The following HEATR6 variants were observed in gnomAD, a reference collection of about 807,000 sequenced individuals.
The protein encoded by HEATR6 is HEAT repeat-containing protein 6.
Under a neutral mutation model 132.8 loss-of-function variants are expected in HEATR6, and 106 were observed. The ratio of observed to expected loss-of-function variants is 0.80; its 90% CI spans 0.68 to 0.94. HEATR6 has a LOEUF of 0.94. Among genes scored for constraint, HEATR6 ranks in the 40% least tolerant of loss-of-function variants. The probability of loss-of-function intolerance (pLI) is 0.00; values close to 1 mark genes in which losing one functional copy is unlikely to be tolerated. For synonymous variants in HEATR6, 529 were observed against 537.8 expected (o/e 0.98, Z 0.23); for missense variants, 1,339 against 1,425.1 (o/e 0.94, Z 0.97).
chr17:60,050,440 T>C (rs1293840699), intron 15 of HEATR6, among the ~76,000 whole-genome samples: 1 of 152,246 alleles, frequency 6.6e-6, no homozygotes, highest in African/African-American at 2.4e-5. Context: ...CTAAGTATTT[T>C]CACATACTTG....
chr17:60,056,146 G>C lies in HEATR6; in HGVS notation c.2171C>G (p.Ala724Gly). The change falls in exon 13 of 20, where the codon GCA (alanine) becomes GGA (glycine). Residue 724 changes from alanine (A) to glycine (G), a missense_variant. Transcript: ENST00000184956. ...TCCATGAAGCTGAATGGATGGATCT[G>C]CTTCCCCCATGCACTTGCAAATCAC... The part of the protein sequence containing the change: ...GEVICKCMGE[A>G]DPSIQLHGAK... The C allele has an allele frequency of 1.2e-6, 2 of 1,614,054 alleles. No homozygotes were observed. Among genetic ancestry groups the C allele is most frequent in the Non-Finnish European group, 1.7e-6 (2 of 1,179,954 alleles).
At chr17:60,047,691 T>C (rs563108905) in intron 17 of HEATR6, among the ~76,000 whole-genome samples, 1 of 151,766 alleles carries the variant, frequency 6.6e-6, no homozygotes, top group East Asian at 1.9e-4. Flanking sequence ...TGTTCAGTAA[T>C]AGAAAAATGG....
intron 9 of HEATR6, among the ~76,000 whole-genome samples, chr17:60,062,683 C>T (rs140216103): frequency 7.9e-5 from 12 of 152,102 alleles, no homozygotes; most frequent in African/African-American, 1.7e-4. Context: ...TTGTCTTTTA[C>T]GTAACAGCAT....
intron 5 of HEATR6, among the ~76,000 whole-genome samples, chr17:60,071,712 C>T (rs1402586509): frequency 2.6e-5 from 4 of 152,108 alleles, no homozygotes; most frequent in African/African-American, 4.8e-5. Context: ...TAATTATGCT[C>T]ATTTACATAT....
Position 60,073,189 on chromosome 17 carries a change from G to T in HEATR6, c.559C>A (p.His187Asn), listed in dbSNP as rs760116282. The change falls in exon 4 of 20, where the codon CAT (histidine) becomes AAT (asparagine). Residue 187 changes from histidine to asparagine, a missense_variant. Transcript: ENST00000184956. ...CTGAGACATAAGTTTGCCATACAAT[G>T]TACTGCAGCTCTCCTGACTTCAGGA... Reference protein sequence around the residue: ...SDPEVRRAAVHCMANLCLSVP... With the variant: ...SDPEVRRAAVNCMANLCLSVP... The T allele has an allele frequency of 6.2e-7, 1 of 1,610,794 alleles. No individual in the cohort carries two copies. Among genetic ancestry groups the T allele is most frequent in the South Asian group, 1.1e-5 (1 of 90,994 alleles).
At chr17:60,048,768 A>G (rs1443580665) in intron 16 of HEATR6, among the ~76,000 whole-genome samples, 1 of 151,820 alleles carries the variant, frequency 6.6e-6, no homozygotes, top group Non-Finnish European at 1.5e-5. Context: ...ACTACACATC[A>G]CTCAGTGAGA....
In HEATR6 at chr17:60,069,853, T is replaced by A. The variant is rs1258725055; in HGVS notation, c.802-5A>T. On this transcript the variant is annotated splice_polypyrimidine_tract_variant and splice_region_variant and intron_variant, in intron 6 of 19. Coordinates refer to ENST00000184956, the MANE Select transcript of HEATR6 (RefSeq NM_022070.5). ...GAGTCCGTGAAACATGAATTTCTAA[T>A]AATGATGAATAAGGACACACACACA... 1.2e-5 allele frequency: 19 copies of A among 1,613,572 alleles called. No individual in the cohort carries two copies. Among genetic ancestry groups the A allele is most frequent in the Non-Finnish European group, 1.4e-5 (17 of 1,179,840 alleles).
intron 16 of HEATR6, among the ~76,000 whole-genome samples, chr17:60,049,020 G>T (rs1376694591): frequency 2.6e-5 from 2 of 78,126 alleles, no homozygotes; most frequent in Non-Finnish European, 2.8e-5. Flanking sequence ...ATATATATAT[G>T]GTAATGCCTT....
At chr17:60,076,647 G>T in intron 1 of HEATR6, 1 of 159,822 alleles carries the variant, frequency 6.3e-6, no homozygotes, top group Non-Finnish European at 1.4e-5. Context: ...AGGTCACAGT[G>T]AGCTATGATC....
At chr17:60,070,370 C>T (rs539963825) in intron 6 of HEATR6, among the ~76,000 whole-genome samples, 10 of 152,138 alleles carry the variant, frequency 6.6e-5, no homozygotes, top group African/African-American at 2.4e-4. Flanking sequence ...CTGTCTACTA[C>T]TTGGAGGAGA....
chr17:60,072,416 G>A (rs2083274149), intron 4 of HEATR6, 87 bp from the exon 5 acceptor site: 1 of 641,376 alleles, frequency 1.6e-6, no homozygotes, highest in African/African-American at 1.9e-5. Flanking sequence ...CAGTAATATA[G>A]ACTATTAGAG....
rs562843321 is a variant in HEATR6, at chr17:60,043,077, C to T, written c.*486G>A. On this transcript the variant is annotated 3_prime_UTR_variant, in exon 20 of 20. Transcript: ENST00000184956. ...TCCTCGGTCCTGTGCGGCTGTGAGGCACTGTCAGCATCCTCGCATCCTGTG... is the reference window on the plus strand; with the variant it reads ...TCCTCGGTCCTGTGCGGCTGTGAGGTACTGTCAGCATCCTCGCATCCTGTG... 7 of 257,256 alleles carry T rather than the reference C, an allele frequency of 2.7e-5. No individual in the cohort carries two copies. The East Asian group carries it at 9.0e-4, about 33-fold the overall frequency. The allele number at this position is 257,256 out of a possible 1,614,324, so 15.9% of individuals were successfully genotyped here.
At chr17:60,053,080 C>A (rs1906638024) in intron 14 of HEATR6, among the ~76,000 whole-genome samples, 1 of 152,098 alleles carries the variant, frequency 6.6e-6, no homozygotes, top group African/African-American at 2.4e-5. Context: ...GGAGGTGGGC[C>A]TAGAGGAAGG....
intron 9 of HEATR6, chr17:60,064,732 C>G (rs572471588): frequency 6.6e-6 from 1 of 151,946 alleles, no homozygotes. Context: ...TAAAAGGTAC[C>G]TAAATCAAGG....
At chr17:60,048,204 A>G in intron 17 of HEATR6, 60 bp downstream of exon 17, 30 of 1,414,792 alleles carry the variant, frequency 2.1e-5, no homozygotes, top group Non-Finnish European at 2.5e-5. Flanking sequence ...GAGATCGAGG[A>G]CATTCTCTTG....
chr17:60,065,159 T>C (rs1460454885), intron 9 of HEATR6, among the ~76,000 whole-genome samples: 1 of 152,260 alleles, frequency 6.6e-6, no homozygotes. Context: ...AGTTAATTTG[T>C]AAAATTTCTG....
At chr17:60,073,480 G>T (rs546957426) in intron 3 of HEATR6, among the ~76,000 whole-genome samples, 43 of 152,294 alleles carry the variant, frequency 2.8e-4, no homozygotes, top group African/African-American at 9.9e-4. Flanking sequence ...CTAGGTAGCT[G>T]CTGATGCTCT....
At chr17:60,076,454 T>C (rs920130943) in intron 1 of HEATR6, 11 of 477,222 alleles carry the variant, frequency 2.3e-5, no homozygotes, top group African/African-American at 2.2e-4. Flanking sequence ...TAATCCCAGT[T>C]CTTCCGGAGG....
Position 60,045,376 on chromosome 17 carries a change from G to C in HEATR6, c.2974+649C>G, listed in dbSNP as rs114981237. Among the ~76,000 whole-genome samples the C allele has an allele frequency of 3.2e-3, 486 of 152,286 alleles. 1 individual carries two copies. Among genetic ancestry groups the C allele is most frequent in the African/African-American group, 0.011 (442 of 41,562 alleles). On this transcript the variant is annotated intron_variant, in intron 19 of 19. Transcript: ENST00000184956. ...ATCTGAGAGAGAGAGATGCAATAAA[G>C]CGAACGCTGGCATTCAAAGTGAGCG...
Sources: gnomAD v4.1 joint callset for allele counts (sites outside exome capture counted in the v4.1 genomes callset) on GRCh38, gnomAD v4.1.1 for gene constraint, MANE v1.5 for transcripts, NCBI Gene and HGNC (gene_info 2026-07-23, HGNC 2026-07-21) for gene names.